Variants in ERBB4 observed in about 807,000 individuals in gnomAD.
ERBB4 encodes the protein receptor tyrosine-protein kinase erbB-4.
A neutral mutation model predicts 158.0 loss-of-function variants in ERBB4; 42 were observed. The ratio of observed to expected loss-of-function variants is 0.27; its 90% CI spans 0.21 to 0.34. ERBB4 has a LOEUF of 0.34. ERBB4 is among the 10% of genes least tolerant of loss of function. The pLI, the probability that ERBB4 is intolerant of heterozygous loss-of-function variation, is 1.00. For missense variants in ERBB4, 1,333 were observed against 1,624.1 expected (o/e 0.82, Z 3.08); for synonymous variants, 583 against 558.7 (o/e 1.04, Z -0.61).
chr2:211,852,146 A>AAATTTT (rs1365063140), intron 3 of ERBB4, among the ~76,000 whole-genome samples: 2 of 151,888 alleles, frequency 1.3e-5, no homozygotes, highest in East Asian at 3.9e-4. Flanking sequence ...CAATATCTTC[A>AAATTTT]AATTTTAATT....
At position 211,892,668 on chromosome 2, in the gene ERBB4, T is replaced by C. The variant is rs879163054; in HGVS notation, c.421+54762A>G. Among the ~76,000 whole-genome samples, 50 of 145,410 alleles carry C rather than the reference T, an allele frequency of 3.4e-4. 3 individuals are homozygous for C. Among genetic ancestry groups the C allele is most frequent in the African/African-American group, 9.6e-4 (36 of 37,502 alleles). ...TTGTATATCTAGAAAACCCCATTGT[T>C]TCAGCCCAAAATCTCCTTAAGCTGA... On this transcript the variant is annotated intron_variant, in intron 3 of 27. Coordinates refer to ENST00000342788, the MANE Select transcript of ERBB4 (RefSeq NM_005235.3).
chr2:212,191,719 A>G (rs139310617), intron 1 of ERBB4, among the ~76,000 whole-genome samples: 1 of 146,816 alleles, frequency 6.8e-6, no homozygotes, highest in Non-Finnish European at 1.5e-5. Flanking sequence ...TACATGTTAC[A>G]TATAACACGT....
At position 212,464,644 on chromosome 2, in the gene ERBB4, G is replaced by A. The variant is rs576921371; in HGVS notation, c.82+73805C>T. Among the ~76,000 whole-genome samples the A allele has an allele frequency of 2.0e-5, 3 of 152,072 alleles. No homozygotes were observed. In the South Asian group the frequency reaches 6.2e-4, roughly 32 times the overall value. ...TCAATTAGTAATTCAATTTGACATAGCTAGAAGTACATTATATATTTTAAG... is the reference window on the plus strand; with the variant it reads ...TCAATTAGTAATTCAATTTGACATAACTAGAAGTACATTATATATTTTAAG... On this transcript the variant is annotated intron_variant, in intron 1 of 27. Transcript: ENST00000342788.
At chr2:211,934,444 C>G (rs1195464129) in intron 3 of ERBB4, among the ~76,000 whole-genome samples, 1 of 151,966 alleles carries the variant, frequency 6.6e-6, no homozygotes, top group Non-Finnish European at 1.5e-5. Context: ...AATCACCCTT[C>G]TAATATCTTC....
intron 20 of ERBB4, among the ~76,000 whole-genome samples, chr2:211,493,233 T>A (rs62178803): frequency 0.085 from 12,969 of 152,146 alleles, 594 homozygotes; most frequent in Middle Eastern, 0.15. Context: ...CATACTTTTC[T>A]TATTTTTATA....
intron 20 of ERBB4, among the ~76,000 whole-genome samples, chr2:211,527,472 A>G (rs1299100273): frequency 6.6e-6 from 1 of 152,106 alleles, no homozygotes; most frequent in Non-Finnish European, 1.5e-5. Context: ...ACTGGGAAGA[A>G]AAGCATATTA....
chr2:212,208,245 G>T (rs577076820), intron 1 of ERBB4, among the ~76,000 whole-genome samples: 14 of 152,050 alleles, frequency 9.2e-5, no homozygotes, highest in Non-Finnish European at 1.5e-4. Flanking sequence ...TCCCTCTTAC[G>T]CCTGCAAGGT....
chr2:211,417,957 T>TAACA (rs1014499992), intron 25 of ERBB4, among the ~76,000 whole-genome samples: 1 of 152,146 alleles, frequency 6.6e-6, no homozygotes, highest in African/African-American at 2.4e-5. Flanking sequence ...GTTAATTGCC[T>TAACA]AACACTCATA....
chr2:212,011,042 C>A (rs1328847200), intron 2 of ERBB4, among the ~76,000 whole-genome samples: 1 of 152,070 alleles, frequency 6.6e-6, no homozygotes, highest in Non-Finnish European at 1.5e-5. Flanking sequence ...TGTTCTTTTT[C>A]AAGGTGGACT....
intron 18 of ERBB4, among the ~76,000 whole-genome samples, chr2:211,622,990 A>AATATATATATATATATAT (rs1165877419): frequency 4.6e-5 from 1 of 21,870 alleles, no homozygotes; most frequent in Non-Finnish European, 7.3e-5. Context: ...AAAAAAAAAA[A>AATATATATATATATATAT]ATATATATAT....
At chr2:211,786,107 C>T (rs1454141540) in intron 4 of ERBB4, among the ~76,000 whole-genome samples, 3 of 151,948 alleles carry the variant, frequency 2.0e-5, no homozygotes, top group Non-Finnish European at 2.9e-5. Context: ...CAGGATGACT[C>T]GGTGATTAAC....
At chr2:212,072,310 TC>T (rs2078145464) in intron 2 of ERBB4, among the ~76,000 whole-genome samples, 2 of 151,960 alleles carry the variant, frequency 1.3e-5, no homozygotes, top group African/African-American at 4.8e-5. Context: ...ATTGAAACAG[TC>T]CAACTCATCC....
At chr2:211,683,202 A>G (rs1230223912) in intron 12 of ERBB4, among the ~76,000 whole-genome samples, 1 of 152,032 alleles carries the variant, frequency 6.6e-6, no homozygotes, top group East Asian at 1.9e-4. Flanking sequence ...TTATCTCATA[A>G]GATCTTAAAA....
chr2:211,726,893 A>G (rs919620129), intron 5 of ERBB4, among the ~76,000 whole-genome samples: 1 of 152,194 alleles, frequency 6.6e-6, no homozygotes. Flanking sequence ...CCCTTCCAGG[A>G]ATCACATTAC....
chr2:211,732,280 A>G (rs1294993351), intron 5 of ERBB4, among the ~76,000 whole-genome samples: 1 of 152,098 alleles, frequency 6.6e-6, no homozygotes, highest in Non-Finnish European at 1.5e-5. Flanking sequence ...ATAATTTTGC[A>G]CTTTAAGGAT....
Position 211,413,312 on chromosome 2 carries a change from ACACACACACAC to A in ERBB4, c.3135+7118_3135+7128del, listed in dbSNP as rs2063307892. ...CAGAGAGAGACCCTGTCTTAAAAAC[ACACACACACAC>A]ACACACACACACACACACACACACA... On this transcript the variant is annotated intron_variant, in intron 25 of 27. Coordinates refer to ENST00000342788, the MANE Select transcript of ERBB4 (RefSeq NM_005235.3). Among the ~76,000 whole-genome samples, 15 of 89,880 alleles carry A rather than the reference ACACACACACAC, an allele frequency of 1.7e-4. 3 individuals are homozygous for A. The highest frequency in any genetic ancestry group is 1.1e-3 in the South Asian group (4 of 3,642). 59.0% of individuals were successfully genotyped at this position (89,880 alleles called of 152,430 possible). A position where few individuals can be genotyped will look rare whatever the true frequency, so the allele number is the denominator to read the frequency against.
chr2:212,268,832 A>T (rs918256469), intron 1 of ERBB4, among the ~76,000 whole-genome samples: 10 of 151,664 alleles, frequency 6.6e-5, no homozygotes, highest in Non-Finnish European at 1.5e-4. Flanking sequence ...CTGAGCTGAA[A>T]TTTTTTCTGT....
At chr2:212,399,565 T>A (rs1303332882) in intron 1 of ERBB4, among the ~76,000 whole-genome samples, 10 of 25,422 alleles carry the variant, frequency 3.9e-4, no homozygotes, top group Non-Finnish European at 6.9e-4. Context: ...TATATATATA[T>A]ATATATATAT....
At chr2:211,569,019 T>C (rs1424005297) in intron 19 of ERBB4, among the ~76,000 whole-genome samples, 1 of 152,218 alleles carries the variant, frequency 6.6e-6, no homozygotes, top group African/African-American at 2.4e-5. Flanking sequence ...TGAATTAATA[T>C]GCCTTCAATT....
Sources: allele counts gnomAD v4.1 joint callset (sites outside exome capture counted in the v4.1 genomes callset), GRCh38; gene constraint gnomAD v4.1.1; transcripts MANE v1.5; gene names NCBI Gene and HGNC (gene_info 2026-07-23, HGNC 2026-07-21).